The following GAS2 variants were observed in gnomAD, a reference collection of about 807,000 sequenced individuals.
The protein encoded by GAS2 is growth arrest-specific protein 2.
GAS2 carries 20 observed loss-of-function variants against 37.5 expected under a neutral mutation model. That is an observed-to-expected ratio of 0.53 (90% CI 0.37 to 0.77). The LOEUF (loss-of-function observed/expected upper bound fraction) is 0.77, where lower values mean the gene tolerates loss of function less well. GAS2 is among the 30% of genes least tolerant of loss of function. GAS2 has a pLI of 0.00. For missense variants in GAS2, 336 were observed against 373.4 expected (o/e 0.90, Z 0.82); for synonymous variants, 144 against 132.2 (o/e 1.09, Z -0.61).
intron 4 of GAS2, among the ~76,000 whole-genome samples, chr11:22,728,970 A>G (rs1852345951): frequency 6.6e-6 from 1 of 151,084 alleles, no homozygotes; most frequent in Non-Finnish European, 1.5e-5. Context: ...TTGCAACAAT[A>G]ACACTGTGTC....
At chr11:22,762,573 A>G (rs1474117186) in intron 7 of GAS2, among the ~76,000 whole-genome samples, 2 of 152,196 alleles carry the variant, frequency 1.3e-5, no homozygotes, top group Non-Finnish European at 2.9e-5. Flanking sequence ...CATACCTTTT[A>G]TAATATATTT....
At chr11:22,775,894 A>G (rs1855233186) in intron 7 of GAS2, among the ~76,000 whole-genome samples, 1 of 152,198 alleles carries the variant, frequency 6.6e-6, no homozygotes, top group Non-Finnish European at 1.5e-5. Context: ...CTCTGCCCAC[A>G]ATAAGCCTTT....
At chr11:22,628,277 T>C (rs1299766662) in intron 1 of GAS2, among the ~76,000 whole-genome samples, 4 of 152,200 alleles carry the variant, frequency 2.6e-5, no homozygotes, top group African/African-American at 7.2e-5. Flanking sequence ...AGAGACTAGA[T>C]AGAAACTGAC....
chr11:22,763,612 CACAT>C lies in GAS2; in HGVS notation c.723+7663_723+7666del, dbSNP rs1330256954. On this transcript the variant is annotated intron_variant, in intron 7 of 7. Coordinates refer to ENST00000454584, the MANE Select transcript of GAS2 (RefSeq NM_001143830.3). ...AGTCAACAATTCATTTAAAAAAATA[CACAT>C]ACACACACACACACACACACACACA... 4.1e-5 allele frequency among the ~76,000 whole-genome samples: 3 copies of C among 73,112 alleles called. No homozygotes were observed. In the Admixed American group the frequency reaches 5.4e-4, roughly 13 times the overall value. 48.0% of individuals were successfully genotyped at this position (73,112 alleles called of 152,430 possible).
chr11:22,685,148 A>C (rs976805025), intron 2 of GAS2, among the ~76,000 whole-genome samples: 1 of 146,722 alleles, frequency 6.8e-6, no homozygotes, highest in African/African-American at 2.8e-5. Flanking sequence ...ATTGCGTGAC[A>C]GAGTACAATC....
intron 3 of GAS2, among the ~76,000 whole-genome samples, chr11:22,696,392 A>C (rs1850517458): frequency 6.6e-6 from 1 of 152,086 alleles, no homozygotes; most frequent in South Asian, 2.1e-4. Context: ...GAATAGTGCC[A>C]CGATAAACAT....
chr11:22,732,126 T>C (rs181763766), intron 4 of GAS2, among the ~76,000 whole-genome samples: 10 of 151,872 alleles, frequency 6.6e-5, no homozygotes, highest in Admixed American at 5.9e-4. Context: ...TATAGAAAGA[T>C]GTACTTTGTC....
intron 4 of GAS2, 22 bp downstream of exon 4, chr11:22,726,455 T>C: frequency 3.1e-6 from 5 of 1,595,988 alleles, no homozygotes; most frequent in Non-Finnish European, 4.3e-6. Context: ...CTTCAGAATT[T>C]TAGTTGATAA....
At chr11:22,775,593 C>A (rs1855217153) in intron 7 of GAS2, among the ~76,000 whole-genome samples, 2 of 151,832 alleles carry the variant, frequency 1.3e-5, no homozygotes, top group Admixed American at 6.6e-5. Context: ...GTGGGCTACT[C>A]ACAGAAACTA....
intron 6 of GAS2, among the ~76,000 whole-genome samples, chr11:22,751,399 T>C (rs918952465): frequency 2.6e-5 from 4 of 152,062 alleles, no homozygotes; most frequent in African/African-American, 9.7e-5. Context: ...CAAGTATTTG[T>C]ATCTATTTAA....
chr11:22,786,388 T>C (rs1855818936), intron 7 of GAS2, among the ~76,000 whole-genome samples: 1 of 152,154 alleles, frequency 6.6e-6, no homozygotes, highest in Non-Finnish European at 1.5e-5. Context: ...GCTGCATATC[T>C]CATTACCTAA....
At chr11:22,647,730 A>G (rs1289877195) in intron 1 of GAS2, among the ~76,000 whole-genome samples, 1 of 152,074 alleles carries the variant, frequency 6.6e-6, no homozygotes, top group Non-Finnish European at 1.5e-5. Context: ...TCTTTTGAGA[A>G]GTGTCTGTTC....
At chr11:22,626,269 C>T in intron 1 of GAS2, 1 of 207,708 alleles carries the variant, frequency 4.8e-6, no homozygotes, top group Non-Finnish European at 1.0e-5. Flanking sequence ...GAAACATGTA[C>T]TAAAAATGTA....
intron 7 of GAS2, among the ~76,000 whole-genome samples, chr11:22,806,051 T>G (rs914563067): frequency 1.3e-5 from 2 of 152,108 alleles, no homozygotes; most frequent in African/African-American, 4.8e-5. Flanking sequence ...ATCCTATGAC[T>G]TATCCTGTGA....
chr11:22,701,032 A>G (rs1850812611), intron 3 of GAS2, among the ~76,000 whole-genome samples: 1 of 152,180 alleles, frequency 6.6e-6, no homozygotes, highest in Admixed American at 6.6e-5. Context: ...ATTTTCTATC[A>G]GAGCAGCTAA....
intron 3 of GAS2, among the ~76,000 whole-genome samples, chr11:22,686,019 A>G (rs1849927191): frequency 6.6e-6 from 1 of 152,202 alleles, no homozygotes; most frequent in South Asian, 2.1e-4. Flanking sequence ...ATGAGAAATG[A>G]TGGTATTAAA....
chr11:22,791,926 G>A (rs192126776), intron 7 of GAS2, among the ~76,000 whole-genome samples: 1 of 152,306 alleles, frequency 6.6e-6, no homozygotes, highest in East Asian at 1.9e-4. Context: ...GAATATTGGT[G>A]TTCCTTTAAC....
intron 2 of GAS2, among the ~76,000 whole-genome samples, chr11:22,685,254 G>A (rs983765195): frequency 6.6e-6 from 1 of 152,172 alleles, no homozygotes; most frequent in Non-Finnish European, 1.5e-5. Flanking sequence ...GTCCTGCCTT[G>A]TGGGTCAAAG....
intron 3 of GAS2, among the ~76,000 whole-genome samples, chr11:22,709,187 G>A (rs866399906): frequency 2.7e-5 from 4 of 147,684 alleles, no homozygotes; most frequent in Middle Eastern, 3.5e-3. Context: ...AGAACTCAGA[G>A]GTGAATGCAC....
Sources: allele counts gnomAD v4.1 joint callset (sites outside exome capture counted in the v4.1 genomes callset), GRCh38; gene constraint gnomAD v4.1.1; transcripts MANE v1.5; gene names NCBI Gene and HGNC (gene_info 2026-07-23, HGNC 2026-07-21).